PCSK5: variants seen among roughly 807,000 people sequenced by gnomAD.
PCSK5 encodes proprotein convertase subtilisin/kexin type 5, also known as prohormone convertase 5.
PCSK5 carries 129 observed loss-of-function variants against 233.2 expected under a neutral mutation model. That is an observed-to-expected ratio of 0.55 (90% CI 0.48 to 0.64). The LOEUF is 0.64. Ranked by LOEUF, PCSK5 falls within the 30% of genes least tolerant of loss-of-function variation. The pLI, the probability that PCSK5 is intolerant of heterozygous loss-of-function variation, is 0.00. For synonymous variants in PCSK5, 825 were observed against 879.2 expected (o/e 0.94, Z 1.09); for missense variants, 2,076 against 2,430.1 (o/e 0.85, Z 3.06).
intron 2 of PCSK5, among the ~76,000 whole-genome samples, chr9:75,941,712 T>C (rs567617724): frequency 1.3e-5 from 2 of 152,322 alleles, no homozygotes; most frequent in Non-Finnish European, 2.9e-5. Flanking sequence ...CTTTCAGCCT[T>C]AGATTAGCCC....
chr9:76,017,790 A>T (rs778543073), intron 3 of PCSK5, among the ~76,000 whole-genome samples: 1 of 152,140 alleles, frequency 6.6e-6, no homozygotes, highest in Non-Finnish European at 1.5e-5. Flanking sequence ...AAGTCCATCA[A>T]ATTGACTCAT....
intron 2 of PCSK5, among the ~76,000 whole-genome samples, chr9:75,943,123 G>A (rs1824397500): frequency 6.6e-6 from 1 of 151,984 alleles, no homozygotes; most frequent in African/African-American, 2.4e-5. Flanking sequence ...GACCTCAGGT[G>A]ATCCACCCGC....
intron 1 of PCSK5, among the ~76,000 whole-genome samples, chr9:75,908,436 C>T (rs1490438232): frequency 6.6e-6 from 1 of 152,202 alleles, no homozygotes; most frequent in Non-Finnish European, 1.5e-5. Flanking sequence ...GCCTTTGTCA[C>T]TCTTATGTGG....
chr9:76,279,189 T>G (rs7855704), intron 24 of PCSK5, among the ~76,000 whole-genome samples: 17,242 of 147,746 alleles, frequency 0.12, 1,340 homozygotes, highest in African/African-American at 0.23. Context: ...TGCGATAGTT[T>G]ACTGAGAATG....
In PCSK5 at chr9:76,181,460, G is replaced by A; in HGVS notation, c.2066G>A (p.Cys689Tyr). The change falls in exon 16 of 38, where the codon TGT (cysteine) becomes TAT (tyrosine). Residue 689 changes from cysteine (C) to tyrosine (Y), a missense_variant. Around this residue, in one of 6 missense-constraint regions of PCSK5, gnomAD observed 1,510 missense variants for 1,538.1 expected, o/e 0.98. Coordinates refer to ENST00000674117, the MANE Select transcript of PCSK5 (RefSeq NM_001372043.1). ...YHADKKRCRK[C>Y]APNCESCFGS... is the part of the protein sequence containing the mutation. ...GCCGACAAGAAGCGCTGCAGGAAGT[G>A]TGCCCCCAACTGTGAGTCCTGCTTT... The A allele has an allele frequency of 6.2e-7, 1 of 1,614,080 alleles. No individual in the cohort carries two copies. The highest frequency in any genetic ancestry group is 8.5e-7 in the Non-Finnish European group (1 of 1,179,968).
At chr9:76,160,550 C>T (rs1197207890) in intron 12 of PCSK5, among the ~76,000 whole-genome samples, 3 of 152,128 alleles carry the variant, frequency 2.0e-5, no homozygotes, top group Non-Finnish European at 4.4e-5. Flanking sequence ...TGTCCACACA[C>T]CAGGTGACCA....
chr9:76,101,315 T>A (rs114197375), intron 8 of PCSK5, among the ~76,000 whole-genome samples: 2,295 of 152,288 alleles, frequency 0.015, 55 homozygotes, highest in African/African-American at 0.05. Flanking sequence ...TCAGAGAAAC[T>A]TCTTCTGTCG....
At chr9:76,315,641 A>ATTTTTTTTTTTTTT (rs777066898) in intron 30 of PCSK5, among the ~76,000 whole-genome samples, 2 of 139,102 alleles carry the variant, frequency 1.4e-5, no homozygotes, top group Non-Finnish European at 1.5e-5. Flanking sequence ...GGAGAAGACT[A>ATTTTTTTTTTTTTT]CTTTTTTTTT....
intron 9 of PCSK5, among the ~76,000 whole-genome samples, chr9:76,125,390 G>A (rs1446800707): frequency 6.6e-6 from 1 of 152,220 alleles, no homozygotes; most frequent in Non-Finnish European, 1.5e-5. Flanking sequence ...GACATTGCAG[G>A]TGGCGAGGGT....
chr9:76,230,073 T>C (rs561912898), intron 21 of PCSK5, among the ~76,000 whole-genome samples: 4 of 152,210 alleles, frequency 2.6e-5, no homozygotes, highest in Non-Finnish European at 5.9e-5. Flanking sequence ...ATATCTATTC[T>C]CTTCCACTAG....
At chr9:76,043,138 A>C (rs1363159613) in intron 5 of PCSK5, among the ~76,000 whole-genome samples, 1 of 151,830 alleles carries the variant, frequency 6.6e-6, no homozygotes, top group Non-Finnish European at 1.5e-5. Flanking sequence ...CAGGGTCAGG[A>C]GATTGAGACC....
intron 7 of PCSK5, among the ~76,000 whole-genome samples, chr9:76,093,774 G>C (rs1831396288): frequency 6.6e-6 from 1 of 152,074 alleles, no homozygotes; most frequent in South Asian, 2.1e-4. Context: ...GTGTCTGATA[G>C]AGAGGGAACA....
intron 28 of PCSK5, among the ~76,000 whole-genome samples, chr9:76,308,366 G>A (rs2131433184): frequency 1.3e-5 from 2 of 152,306 alleles, no homozygotes; most frequent in East Asian, 3.9e-4. Flanking sequence ...CACAGTATTT[G>A]AGGCTATCTT....
At chr9:76,098,181 G>A (rs1410219847) in intron 8 of PCSK5, among the ~76,000 whole-genome samples, 1 of 152,020 alleles carries the variant, frequency 6.6e-6, no homozygotes, top group Non-Finnish European at 1.5e-5. Context: ...ATTGATTTAG[G>A]TAAAAATTGC....
chr9:76,318,792 A>G (rs948409234), intron 30 of PCSK5, among the ~76,000 whole-genome samples: 3 of 152,168 alleles, frequency 2.0e-5, no homozygotes, highest in African/African-American at 7.2e-5. Flanking sequence ...AACCCTTTTG[A>G]GTCTTTTGGA....
intron 7 of PCSK5, among the ~76,000 whole-genome samples, chr9:76,082,853 C>G (rs1266615772): frequency 6.6e-6 from 1 of 151,882 alleles, no homozygotes; most frequent in African/African-American, 2.4e-5. Context: ...GAAATGGTAT[C>G]TTTTTCATAG....
rs59860078 is a variant in PCSK5 at position 76,007,796 on chromosome 9, TTGTGTGTGTG to T, written c.412-15906_412-15897del. Among the ~76,000 whole-genome samples, 162 of 128,302 alleles carry T rather than the reference TTGTGTGTGTG, an allele frequency of 1.3e-3. 1 individual carries two copies. Among genetic ancestry groups the T allele is most frequent in the Admixed American group, 3.5e-3 (45 of 12,746 alleles). 84.2% of individuals were successfully genotyped at this position (128,302 alleles called of 152,430 possible). A position where few individuals can be genotyped will look rare whatever the true frequency, so the allele number is the denominator to read the frequency against. On this transcript the variant is annotated intron_variant, in intron 3 of 37. Transcript: ENST00000674117. ...CGCCTGTCACCATGCCCGGCTAATT[TTGTGTGTGTG>T]TGTGTGTGTGTGTGTGTGTGTGTGT...
At chr9:75,890,508 G>A (rs113936219), upstream of PCSK5, 5,192 of 152,500 alleles carry the variant, frequency 0.034, 269 homozygotes, top group African/African-American at 0.11. Flanking sequence ...CGGAACCCTG[G>A]AGGTTACAGC....
At chr9:75,912,101 AAAG>A (rs76984903) in intron 1 of PCSK5, among the ~76,000 whole-genome samples, 8,792 of 152,016 alleles carry the variant, frequency 0.058, 377 homozygotes, top group African/African-American at 0.11. Flanking sequence ...GAAGAAGAAA[AAAG>A]AACAACAAAA....
Sources: allele counts gnomAD v4.1 joint callset (sites outside exome capture counted in the v4.1 genomes callset), GRCh38; gene constraint gnomAD v4.1.1; regional missense constraint gnomAD v4.1.1; transcripts MANE v1.5; gene names NCBI Gene and HGNC (gene_info 2026-07-23, HGNC 2026-07-21).